Variants in AGBL4 observed in about 807,000 individuals in gnomAD.
The protein encoded by AGBL4 is AGBL carboxypeptidase 4.
Under a neutral mutation model 66.4 loss-of-function variants are expected in AGBL4, and 58 were observed. The observed-to-expected ratio is 0.87, with a 90% CI of 0.71 to 1.09. The LOEUF is 1.09. Ranked by LOEUF, AGBL4 falls within the 50% of genes least tolerant of loss-of-function variation. The probability of loss-of-function intolerance (pLI) is 0.00; values close to 1 mark genes in which losing one functional copy is unlikely to be tolerated. For synonymous variants in AGBL4, 234 were observed against 222.9 expected (o/e 1.05, Z -0.44); for missense variants, 579 against 631.0 (o/e 0.92, Z 0.88).
chr1:48,707,083 CG>C (rs1646892720), intron 6 of AGBL4, among the ~76,000 whole-genome samples: 1 of 152,258 alleles, frequency 6.6e-6, no homozygotes, highest in East Asian at 1.9e-4. Flanking sequence ...GGCTTGAGTC[CG>C]GGAGTTCGAG....
chr1:49,131,771 A>G (rs1645901308), intron 4 of AGBL4, among the ~76,000 whole-genome samples: 1 of 152,142 alleles, frequency 6.6e-6, no homozygotes, highest in Admixed American at 6.6e-5. Context: ...AACAAGAATA[A>G]TGTTCTAATT....
At chr1:49,919,727 G>T (rs1296464519) in intron 1 of AGBL4, among the ~76,000 whole-genome samples, 1 of 151,798 alleles carries the variant, frequency 6.6e-6, no homozygotes, top group Non-Finnish European at 1.5e-5. Context: ...TCACAGAATT[G>T]GAAAAAACTA....
chr1:49,039,097 G>C (rs961160719), intron 5 of AGBL4, among the ~76,000 whole-genome samples: 7 of 152,006 alleles, frequency 4.6e-5, no homozygotes, highest in African/African-American at 1.4e-4. Context: ...AATCTGAAAA[G>C]GCTATACAAA....
intron 6 of AGBL4, among the ~76,000 whole-genome samples, chr1:48,680,032 A>G (rs1646430277): frequency 6.6e-6 from 1 of 152,246 alleles, no homozygotes; most frequent in Non-Finnish European, 1.5e-5. Context: ...GGCACATTGT[A>G]AGGCTGCAGT....
chr1:49,001,979 G>T (rs1661425132), intron 5 of AGBL4, among the ~76,000 whole-genome samples: 1 of 152,102 alleles, frequency 6.6e-6, no homozygotes, highest in African/African-American at 2.4e-5. Flanking sequence ...TACACTATAG[G>T]GTTGTGGTAA....
chr1:48,731,547 G>A (rs561236949), intron 6 of AGBL4, among the ~76,000 whole-genome samples: 49 of 152,316 alleles, frequency 3.2e-4, no homozygotes, highest in East Asian at 9.6e-4. Context: ...CAAAAGGTCA[G>A]AGATGATTTC....
chr1:49,195,180 C>A (rs541266564), intron 4 of AGBL4, among the ~76,000 whole-genome samples: 1 of 151,972 alleles, frequency 6.6e-6, no homozygotes, highest in Non-Finnish European at 1.5e-5. Flanking sequence ...TGTGGTTTTG[C>A]GGAGTTCTGT....
intron 4 of AGBL4, among the ~76,000 whole-genome samples, chr1:49,050,316 G>A (rs1461612728): frequency 2.0e-5 from 3 of 151,878 alleles, no homozygotes; most frequent in Non-Finnish European, 2.9e-5. Context: ...ACACATTCAC[G>A]AACATACTCT....
chr1:49,988,351 G>A (rs936386684), intron 1 of AGBL4, among the ~76,000 whole-genome samples: 20 of 152,156 alleles, frequency 1.3e-4, no homozygotes, highest in African/African-American at 4.6e-4. Context: ...GTTTGTCAGG[G>A]AAGAAAAAGG....
intron 3 of AGBL4, among the ~76,000 whole-genome samples, chr1:49,467,545 A>C (rs1342637276): frequency 6.6e-6 from 1 of 151,936 alleles, no homozygotes; most frequent in Non-Finnish European, 1.5e-5. Context: ...GGCACCATCC[A>C]CGTCAACTAT....
intron 6 of AGBL4, among the ~76,000 whole-genome samples, chr1:48,682,532 C>T (rs1646471045): frequency 6.6e-6 from 1 of 152,144 alleles, no homozygotes; most frequent in East Asian, 1.9e-4. Context: ...CTTCAACCTC[C>T]TGAGTAGCTG....
At chr1:49,700,267 G>A (rs1647062520) in intron 2 of AGBL4, among the ~76,000 whole-genome samples, 1 of 149,756 alleles carries the variant, frequency 6.7e-6, no homozygotes, top group South Asian at 2.1e-4. Flanking sequence ...TTGAAAAAGG[G>A]TAATTCCACC....
intron 8 of AGBL4, among the ~76,000 whole-genome samples, chr1:48,645,922 G>T (rs1645827527): frequency 6.6e-6 from 1 of 152,180 alleles, no homozygotes; most frequent in Non-Finnish European, 1.5e-5. Context: ...AGGCTTTGGG[G>T]ATGTTTGGCC....
chr1:49,920,291 A>T (rs1321320410), intron 1 of AGBL4, among the ~76,000 whole-genome samples: 1 of 152,240 alleles, frequency 6.6e-6, no homozygotes, highest in East Asian at 1.9e-4. Flanking sequence ...CTACCATCAG[A>T]GTAAACAGGC....
chr1:49,085,306 CATT>C (rs1644886135), intron 4 of AGBL4, among the ~76,000 whole-genome samples: 1 of 139,014 alleles, frequency 7.2e-6, no homozygotes, highest in African/African-American at 2.7e-5. Flanking sequence ...TCATCATCAT[CATT>C]CTCTTGCCCC....
intron 6 of AGBL4, among the ~76,000 whole-genome samples, chr1:48,749,316 C>T (rs988948336): frequency 3.9e-5 from 6 of 152,186 alleles, no homozygotes; most frequent in Admixed American, 1.3e-4. Flanking sequence ...ACATAAACAC[C>T]GAGGGGATGT....
chr1:49,902,584 T>C (rs531285526), intron 1 of AGBL4, among the ~76,000 whole-genome samples: 1 of 151,812 alleles, frequency 6.6e-6, no homozygotes, highest in African/African-American at 2.4e-5. Context: ...CTGTCTCTAC[T>C]AAAAATACAA....
chr1:49,840,483 A>T (rs912184849), intron 2 of AGBL4, among the ~76,000 whole-genome samples: 3 of 152,182 alleles, frequency 2.0e-5, no homozygotes, highest in Non-Finnish European at 4.4e-5. Context: ...TATTCCAAAA[A>T]ACTGAGAAGG....
intron 3 of AGBL4, among the ~76,000 whole-genome samples, chr1:49,511,854 G>C (rs888393203): frequency 2.0e-5 from 3 of 151,840 alleles, no homozygotes; most frequent in Non-Finnish European, 2.9e-5. Flanking sequence ...AAAGTTAAAA[G>C]TTTCAGATAA....
Sources: gnomAD v4.1 joint callset for allele counts (sites outside exome capture counted in the v4.1 genomes callset) on GRCh38, gnomAD v4.1.1 for gene constraint, MANE v1.5 for transcripts, NCBI Gene and HGNC (gene_info 2026-07-23, HGNC 2026-07-21) for gene names.